The following MAST4 variants were observed in gnomAD, a reference collection of about 807,000 sequenced individuals.
The protein encoded by MAST4 is microtubule associated serine/threonine kinase family member 4, also known as microtubule-associated serine/threonine-protein kinase 4.
In MAST4, 89 loss-of-function variants were observed where a neutral mutation model predicts 162.7. That is an observed-to-expected ratio of 0.55 (90% CI 0.46 to 0.65). The LOEUF is 0.65. Among genes scored for constraint, MAST4 ranks in the 30% least tolerant of loss-of-function variants. The pLI is 0.00. For synonymous variants in MAST4, 1,479 were observed against 1,361.1 expected (o/e 1.09, Z -1.91); for missense variants, 3,153 against 3,374.0 (o/e 0.93, Z 1.62).
intron 1 of MAST4, among the ~76,000 whole-genome samples, chr5:66,617,391 C>G (rs957643100): frequency 1.3e-5 from 2 of 152,052 alleles, no homozygotes; most frequent in Non-Finnish European, 2.9e-5. Flanking sequence ...GTGAAACTTA[C>G]AGAGGTTAAA....
At chr5:66,804,304 A>G (rs559612639) in intron 3 of MAST4, among the ~76,000 whole-genome samples, 3 of 152,332 alleles carry the variant, frequency 2.0e-5, no homozygotes, top group Admixed American at 1.3e-4. Flanking sequence ...CCCCAGTGGC[A>G]TGCATTAATA....
intron 2 of MAST4, among the ~76,000 whole-genome samples, chr5:66,765,204 C>T (rs906103732): frequency 6.6e-6 from 1 of 152,050 alleles, no homozygotes; most frequent in Non-Finnish European, 1.5e-5. Context: ...GACAGAATTG[C>T]CTAAGGAAGC....
intron 1 of MAST4, among the ~76,000 whole-genome samples, chr5:66,665,389 A>G (rs1195655251): frequency 1.3e-5 from 2 of 152,194 alleles, no homozygotes; most frequent in African/African-American, 2.4e-5. Context: ...ACATTTCTTC[A>G]TGACCATCTC....
chr5:67,078,253 A>G (rs1000959749), intron 5 of MAST4, among the ~76,000 whole-genome samples: 6 of 152,054 alleles, frequency 3.9e-5, no homozygotes, highest in Admixed American at 1.3e-4. Flanking sequence ...TTCCACAGAA[A>G]AGTTACCATA....
chr5:66,674,792 T>C (rs1252630972), intron 1 of MAST4, among the ~76,000 whole-genome samples: 2 of 152,198 alleles, frequency 1.3e-5, no homozygotes, highest in African/African-American at 4.8e-5. Flanking sequence ...GAATTCTAGA[T>C]TGATTAATCA....
In MAST4 at chr5:66,664,174, G is replaced by A. The variant is rs552373596; in HGVS notation, c.363+67156G>A. Among the ~76,000 whole-genome samples, 4 of 152,168 alleles carry A rather than the reference G, an allele frequency of 2.6e-5. No individual in the cohort carries two copies. In the East Asian group the frequency reaches 5.8e-4, roughly 22 times the overall value. On this transcript the variant is annotated intron_variant, in intron 1 of 28. Transcript: ENST00000403625. ...TTTGAGGCTGGGTGTGGTGGCTCACGCCTGTAATCCCAGCACTTTGGGAGG... is the reference window on the plus strand; with the variant it reads ...TTTGAGGCTGGGTGTGGTGGCTCACACCTGTAATCCCAGCACTTTGGGAGG...
chr5:67,103,081 C>G (rs1235284438), intron 9 of MAST4, among the ~76,000 whole-genome samples: 1 of 152,166 alleles, frequency 6.6e-6, no homozygotes, highest in Non-Finnish European at 1.5e-5. Context: ...CATTGTATTT[C>G]TAAACCTATT....
At position 67,080,781 on chromosome 5, in the gene MAST4, C is replaced by CA. The variant is rs888856297; in HGVS notation, c.764-9373dup. On this transcript the variant is annotated intron_variant, in intron 5 of 28. Transcript: ENST00000403625. Reference sequence around the variant, plus strand: ...GGACCGTATAATAGGCATTCTGCCTCAAAAAAAATGAAAGCAAGCATGAGA... The same window carrying CA: ...GGACCGTATAATAGGCATTCTGCCTCAAAAAAAAATGAAAGCAAGCATGAGA... 7.4e-5 allele frequency among the ~76,000 whole-genome samples: 11 copies of CA among 149,216 alleles called. No homozygotes were observed. The South Asian group carries it at 1.1e-3, about 14-fold the overall frequency.
At chr5:66,783,028 C>T (rs951810616) in intron 2 of MAST4, among the ~76,000 whole-genome samples, 5 of 152,172 alleles carry the variant, frequency 3.3e-5, no homozygotes, top group African/African-American at 1.2e-4. Context: ...TCTATTAACA[C>T]TAATGGGGGT....
At chr5:66,956,204 T>C (rs1228482732) in intron 4 of MAST4, among the ~76,000 whole-genome samples, 2 of 152,116 alleles carry the variant, frequency 1.3e-5, no homozygotes, top group African/African-American at 2.4e-5. Flanking sequence ...GTTCTGACTT[T>C]CGTATCTAGC....
rs1413644099 is a variant in MAST4, at chr5:66,893,398, G to A, written c.643-6553G>A. 3.3e-5 allele frequency among the ~76,000 whole-genome samples: 5 copies of A among 151,242 alleles called. No homozygotes were observed. In the East Asian group the frequency reaches 9.8e-4, roughly 30 times the overall value. On this transcript the variant is annotated intron_variant, in intron 3 of 28. Transcript: ENST00000403625. ...TTTTTTTTTTTGTGTGTGTGTGTGTGTCTTTTTTTTGGTAGAGACGGGTTT... is the reference window on the plus strand; with the variant it reads ...TTTTTTTTTTTGTGTGTGTGTGTGTATCTTTTTTTTGGTAGAGACGGGTTT...
At chr5:66,787,692 G>T (rs1755180190) in intron 2 of MAST4, among the ~76,000 whole-genome samples, 1 of 152,170 alleles carries the variant, frequency 6.6e-6, no homozygotes, top group African/African-American at 2.4e-5. Context: ...AATGAGGCTG[G>T]GGTCCCCAAC....
chr5:66,633,449 G>C (rs1744912518), intron 1 of MAST4, among the ~76,000 whole-genome samples: 1 of 152,208 alleles, frequency 6.6e-6, no homozygotes, highest in Non-Finnish European at 1.5e-5. Flanking sequence ...GGGAGGGTAA[G>C]AGTTATGGAG....
intron 4 of MAST4, among the ~76,000 whole-genome samples, chr5:67,044,836 C>T (rs1000180966): frequency 3.3e-5 from 5 of 152,118 alleles, no homozygotes; most frequent in African/African-American, 9.7e-5. Flanking sequence ...TACTTGACTT[C>T]GATCATTGTG....
At chr5:66,857,805 T>A (rs1423757461) in intron 3 of MAST4, among the ~76,000 whole-genome samples, 1 of 152,190 alleles carries the variant, frequency 6.6e-6, no homozygotes, top group Non-Finnish European at 1.5e-5. Flanking sequence ...TCTTTAAAAT[T>A]TACTTATGGT....
At chr5:66,726,146 A>C (rs1751503142) in intron 1 of MAST4, among the ~76,000 whole-genome samples, 2 of 152,034 alleles carry the variant, frequency 1.3e-5, no homozygotes, top group Non-Finnish European at 2.9e-5. Context: ...GATAGATTGA[A>C]AATTTAGCTA....
In MAST4 at chr5:67,166,346, C is replaced by G; in HGVS notation, c.7167C>G (p.Ala2389=). The part of the protein sequence containing the change: ...YAPAEGDKLE[A]GLSFVHSENR... ...CAGCAGAGGGCGACAAGCTCGAGGC[C>G]GGCCTTTCCTTTGTGCATAGCGAGA... is the stretch of plus-strand genomic sequence containing the variant. The change falls in exon 29 of 29, where the codon GCC becomes GCG. Residue 2389 remains alanine (A), a synonymous_variant. Coordinates refer to ENST00000403625, the MANE Select transcript of MAST4 (RefSeq NM_001164664.2). 1 of 1,607,046 alleles carries G rather than the reference C, an allele frequency of 6.2e-7. No homozygotes were observed. The highest frequency in any genetic ancestry group is 8.5e-7 in the Non-Finnish European group (1 of 1,176,722).
At chr5:66,903,722 A>C (rs1763160604) in intron 4 of MAST4, among the ~76,000 whole-genome samples, 1 of 152,214 alleles carries the variant, frequency 6.6e-6, no homozygotes, top group African/African-American at 2.4e-5. Context: ...TTGTTGCCTT[A>C]GATTTTTATC....
intron 4 of MAST4, among the ~76,000 whole-genome samples, chr5:67,016,113 G>A (rs1253426262): frequency 1.3e-5 from 2 of 152,108 alleles, no homozygotes; most frequent in East Asian, 1.9e-4. Flanking sequence ...AGTAACATGC[G>A]GTAACTGGTA....
Sources: allele counts gnomAD v4.1 joint callset (sites outside exome capture counted in the v4.1 genomes callset), GRCh38; gene constraint gnomAD v4.1.1; transcripts MANE v1.5; gene names NCBI Gene and HGNC (gene_info 2026-07-23, HGNC 2026-07-21).